Variants in PCDHAC1 observed in about 807,000 individuals in gnomAD.
The protein encoded by PCDHAC1 is protocadherin alpha-C1.
Under a neutral mutation model 60.0 loss-of-function variants are expected in PCDHAC1, and 42 were observed. That is an observed-to-expected ratio of 0.70 (90% CI 0.55 to 0.90). PCDHAC1 has a LOEUF of 0.90. PCDHAC1 is among the 40% of genes least tolerant of loss of function. PCDHAC1 has a pLI of 0.00. For missense variants in PCDHAC1, 1,160 were observed against 1,222.3 expected, an observed-to-expected ratio of 0.95 and a Z score of 0.76; for synonymous variants, 468 against 499.3, an observed-to-expected ratio of 0.94 and a Z score of 0.84.
At chr5:140,984,964 G>A (rs930753325) in intron 3 of PCDHAC1, among the ~76,000 whole-genome samples, 1 of 151,936 alleles carries the variant, frequency 6.6e-6, no homozygotes. Context: ...TTGAGACAGA[G>A]TCTCGCTCTG....
At chr5:140,967,060 G>A in intron 1 of PCDHAC1, 1 of 1,612,802 alleles carries the variant, frequency 6.2e-7, no homozygotes, top group Non-Finnish European at 8.5e-7. Flanking sequence ...CGAGTGGAGC[G>A]CTCTTCGTCA....
intron 1 of PCDHAC1, among the ~76,000 whole-genome samples, chr5:140,935,338 T>C (rs2090317634): frequency 1.3e-5 from 2 of 152,364 alleles, no homozygotes; most frequent in African/African-American, 4.8e-5. Context: ...ATTTCTCCCA[T>C]ACGTCAAATC....
At chr5:141,004,255 G>T (rs782648685) in intron 3 of PCDHAC1, among the ~76,000 whole-genome samples, 2 of 152,190 alleles carry the variant, frequency 1.3e-5, no homozygotes, top group Non-Finnish European at 2.9e-5. Flanking sequence ...TTGTTTTACT[G>T]GAATGAGTCA....
At chr5:140,966,731 G>C (rs2096045524) in intron 1 of PCDHAC1, 3 of 1,405,020 alleles carry the variant, frequency 2.1e-6, no homozygotes, top group Non-Finnish European at 2.8e-6. Flanking sequence ...TGCCGCCTCC[G>C]GCCCTGCCCG....
intron 1 of PCDHAC1, among the ~76,000 whole-genome samples, chr5:140,960,168 T>C (rs569250147): frequency 9.2e-5 from 14 of 152,300 alleles, no homozygotes; most frequent in African/African-American, 3.1e-4. Flanking sequence ...AATACAATTC[T>C]TAAGTTAGGG....
At chr5:140,930,168 C>T (rs2086634095) in intron 1 of PCDHAC1, 1 of 152,048 alleles carries the variant, frequency 6.6e-6, no homozygotes, top group Non-Finnish European at 1.5e-5. Context: ...TAATATTTTA[C>T]AAAGAGGAAA....
At chr5:140,968,473 G>A in intron 1 of PCDHAC1, 1 of 1,614,098 alleles carries the variant, frequency 6.2e-7, no homozygotes. Flanking sequence ...ACGTATATGT[G>A]GTGGACATGA....
At chr5:140,966,737 G>A (rs1466161811) in intron 1 of PCDHAC1, 4 of 1,420,882 alleles carry the variant, frequency 2.8e-6, no homozygotes, top group Non-Finnish European at 3.7e-6. Flanking sequence ...CTCCGGCCCT[G>A]CCCGGCTGCC....
At chr5:140,934,502 A>G (rs1311901724) in intron 1 of PCDHAC1, among the ~76,000 whole-genome samples, 2 of 152,144 alleles carry the variant, frequency 1.3e-5, no homozygotes, top group Non-Finnish European at 2.9e-5. Flanking sequence ...TAAACACCCA[A>G]AGGGTCCATA....
At chr5:140,958,278 T>A (rs1445019557) in intron 1 of PCDHAC1, among the ~76,000 whole-genome samples, 1 of 152,090 alleles carries the variant, frequency 6.6e-6, no homozygotes, top group Non-Finnish European at 1.5e-5. Flanking sequence ...GAAGTATATA[T>A]TTTAAATATT....
chr5:140,953,641 G>A (rs246029), intron 1 of PCDHAC1, among the ~76,000 whole-genome samples: 85,647 of 151,972 alleles, frequency 0.56, 24,761 homozygotes, highest in African/African-American at 0.69. Context: ...TTTTGGCCAG[G>A]AGCTATAGTT....
intron 1 of PCDHAC1, among the ~76,000 whole-genome samples, chr5:140,957,228 T>C (rs1189952927): frequency 6.6e-6 from 1 of 152,148 alleles, no homozygotes; most frequent in Non-Finnish European, 1.5e-5. Flanking sequence ...TGGCGAAGCA[T>C]TTTGGCATGT....
intron 3 of PCDHAC1, among the ~76,000 whole-genome samples, chr5:140,989,495 A>G (rs1408191575): frequency 6.6e-6 from 1 of 152,136 alleles, no homozygotes; most frequent in African/African-American, 2.4e-5. Context: ...AACAAGAAAG[A>G]CCTGCTTATA....
chr5:141,003,520 C>T (rs1171208921), intron 3 of PCDHAC1, among the ~76,000 whole-genome samples: 2 of 152,126 alleles, frequency 1.3e-5, no homozygotes, highest in Admixed American at 6.5e-5. Flanking sequence ...ACCATGTTCC[C>T]TAGGCTGGTC....
chr5:140,946,782 C>T (rs1225488337), intron 1 of PCDHAC1, among the ~76,000 whole-genome samples: 1 of 151,104 alleles, frequency 6.6e-6, no homozygotes, highest in African/African-American at 2.4e-5. Flanking sequence ...TGTAAAAAAG[C>T]TGATCTTATA....
intron 1 of PCDHAC1, among the ~76,000 whole-genome samples, chr5:140,935,536 G>C (rs2090424655): frequency 6.6e-6 from 1 of 152,104 alleles, no homozygotes; most frequent in Non-Finnish European, 1.5e-5. Context: ...TCAAATTATT[G>C]TGTTTTAAAG....
chr5:140,993,754 A>G (rs1253767297), intron 3 of PCDHAC1, among the ~76,000 whole-genome samples: 1 of 152,170 alleles, frequency 6.6e-6, no homozygotes, highest in African/African-American at 2.4e-5. Context: ...ACTTGCCATT[A>G]TATTACAATT....
At chr5:141,004,532 C>G (rs569751588) in intron 3 of PCDHAC1, among the ~76,000 whole-genome samples, 1 of 152,314 alleles carries the variant, frequency 6.6e-6, no homozygotes, top group African/African-American at 2.4e-5. Context: ...TACACACAGC[C>G]ATTAATGTCC....
At chr5:140,937,944 G>T (rs2091858064) in intron 1 of PCDHAC1, among the ~76,000 whole-genome samples, 1 of 151,532 alleles carries the variant, frequency 6.6e-6, no homozygotes. Flanking sequence ...TTTGATAATT[G>T]GCTTTTGTTG....
Sources: allele counts gnomAD v4.1 joint callset (sites outside exome capture counted in the v4.1 genomes callset), GRCh38; gene constraint gnomAD v4.1.1; transcripts MANE v1.5; gene names NCBI Gene and HGNC (gene_info 2026-07-23, HGNC 2026-07-21).